MYO18B: variants seen among roughly 807,000 people sequenced by gnomAD.
MYO18B encodes the protein unconventional myosin-XVIIIb.
A neutral mutation model predicts 273.0 loss-of-function variants in MYO18B; 204 were observed. The observed-to-expected ratio is 0.75, with a 90% confidence interval of 0.67 to 0.84. The LOEUF (loss-of-function observed/expected upper bound fraction) is 0.84. Among genes scored for constraint, MYO18B ranks in the 40% least tolerant of loss-of-function variants. MYO18B has a pLI of 0.00. For missense variants in MYO18B, 3,212 were observed against 3,287.6 expected (o/e 0.98, Z 0.56); for synonymous variants, 1,330 against 1,305.7 (o/e 1.02, Z -0.40).
At chr22:25,966,540 A>G (rs1489361136) in intron 39 of MYO18B, among the ~76,000 whole-genome samples, 1 of 152,214 alleles carries the variant, frequency 6.6e-6, no homozygotes, top group Non-Finnish European at 1.5e-5. Flanking sequence ...CTCTCCTGAC[A>G]GGGAGATAGC....
chr22:25,758,490 A>G (rs1261727514), intron 1 of MYO18B, among the ~76,000 whole-genome samples: 1 of 151,890 alleles, frequency 6.6e-6, no homozygotes, highest in Non-Finnish European at 1.5e-5. Context: ...AAGCAAAAAC[A>G]TGTCTATCCA....
intron 11 of MYO18B, among the ~76,000 whole-genome samples, chr22:25,787,226 GAAAA>G (rs1319960460): frequency 6.8e-6 from 1 of 148,106 alleles, no homozygotes; most frequent in Non-Finnish European, 1.5e-5. Flanking sequence ...GAAAAAAAAA[GAAAA>G]AAGAAAAAAA....
chr22:25,826,811 G>C (rs2089509101), intron 14 of MYO18B, among the ~76,000 whole-genome samples: 1 of 152,180 alleles, frequency 6.6e-6, no homozygotes, highest in Non-Finnish European at 1.5e-5. Context: ...TGTAATCCCA[G>C]TACTTTGGGA....
intron 37 of MYO18B, among the ~76,000 whole-genome samples, chr22:25,951,819 C>T (rs529413769): frequency 1.3e-5 from 2 of 152,292 alleles, no homozygotes; most frequent in Admixed American, 6.5e-5. Context: ...TCACTAATCT[C>T]CTCTAATCCT....
chr22:26,014,903 G>T (rs6004894), intron 42 of MYO18B, among the ~76,000 whole-genome samples: 5,473 of 149,412 alleles, frequency 0.037, 138 homozygotes, highest in African/African-American at 0.062. Flanking sequence ...TTTTTAATGG[G>T]TTTTTTTTTT....
intron 17 of MYO18B, among the ~76,000 whole-genome samples, chr22:25,840,534 A>G (rs1456283728): frequency 6.6e-6 from 1 of 152,274 alleles, no homozygotes; most frequent in Non-Finnish European, 1.5e-5. Context: ...GGCCAGCTGC[A>G]TGGTGACAGG....
intron 19 of MYO18B, 119 bp downstream of exon 19, chr22:25,846,402 G>A (rs116320196): frequency 9.0e-7 from 1 of 1,106,114 alleles, no homozygotes; most frequent in South Asian, 1.5e-5. Flanking sequence ...AGAGGGGCGA[G>A]TGTCACCCCA....
chr22:25,808,808 G>A (rs1374581810), intron 12 of MYO18B, among the ~76,000 whole-genome samples: 1 of 152,136 alleles, frequency 6.6e-6, no homozygotes, highest in South Asian at 2.1e-4. Context: ...CTGCCTCCTA[G>A]GGTTCTTGTG....
intron 39 of MYO18B, among the ~76,000 whole-genome samples, chr22:25,979,682 C>T (rs1381848279): frequency 3.3e-5 from 5 of 152,122 alleles, no homozygotes; most frequent in Non-Finnish European, 5.9e-5. Context: ...CTCTGAATAG[C>T]AAGAGCTTTA....
intron 42 of MYO18B, among the ~76,000 whole-genome samples, 184 bp from the exon 43 acceptor site, chr22:26,026,261 C>A (rs1053224484): frequency 3.9e-5 from 6 of 152,166 alleles, no homozygotes; most frequent in African/African-American, 1.4e-4. Context: ...CGGAAAGCAA[C>A]AAGAAATCAT....
At position 26,027,589 on chromosome 22, in the gene MYO18B, G is replaced by A. The variant is rs978117915; in HGVS notation, c.7615G>A (p.Glu2539Lys). Residue 2539 changes from glutamate to lysine, a missense_variant, in exon 43 of 44, where the codon GAG (glutamate) becomes AAG (lysine). Physicochemically the swap from Glu to Lys is moderately conservative, Grantham distance 56. Coordinates refer to ENST00000335473, the MANE Select transcript of MYO18B (RefSeq NM_032608.7). The surrounding 1 kb of genome is among the most constrained non-coding windows in gnomAD (Gnocchi z 4.1). ...GIPRLAGDGG[E>K]RTSPERREPG... ...CCCACGACTTGCGGGTGACGGTGGC[G>A]AGCGAACGTCCCCCGAGCGGAGAGA... is the stretch of plus-strand genomic sequence containing the variant. 5 of 1,613,958 alleles carry A rather than the reference G, an allele frequency of 3.1e-6. No homozygotes were observed. The highest frequency in any genetic ancestry group is 1.7e-5 in the Admixed American group (1 of 60,028).
chr22:25,903,927 C>T (rs2091988473), intron 31 of MYO18B, 96 bp downstream of exon 31: 2 of 1,319,228 alleles, frequency 1.5e-6, no homozygotes, highest in Non-Finnish European at 2.1e-6. Flanking sequence ...CTTGGCTGCT[C>T]CTCATCCTTC....
intron 21 of MYO18B, among the ~76,000 whole-genome samples, chr22:25,854,463 G>C (rs2090511341): frequency 1.3e-5 from 2 of 151,996 alleles, no homozygotes; most frequent in Non-Finnish European, 2.9e-5. Context: ...TTGAACTCAG[G>C]CTCTCAGATT....
In MYO18B at chr22:25,826,565, G is replaced by A. The variant is rs115115287; in HGVS notation, c.2786+66G>A. 4.5e-4 allele frequency: 646 copies of A among 1,433,182 alleles called. 6 individuals carry two copies. The African/African-American group carries it at 8.0e-3, about 18-fold the overall frequency. 88.8% of individuals were successfully genotyped at this position (1,433,182 alleles called of 1,614,324 possible). On this transcript the variant is annotated intron_variant, in intron 14 of 43. Transcript: ENST00000335473. ...AGGTGCACAGATGAATTCACATACC[G>A]GGCAGTTGAACAAAGTGGCAGTTTT...
At position 25,877,987 on chromosome 22, in the gene MYO18B, T is replaced by C; in HGVS notation, c.4253T>C (p.Leu1418Pro). The C allele has an allele frequency of 6.3e-7, 1 of 1,582,050 alleles. No homozygotes were observed. Among genetic ancestry groups the C allele is most frequent in the Non-Finnish European group, 8.6e-7 (1 of 1,163,596 alleles). ...GAGCTTACAACGCTAAGACGGAAGC[T>C]AGAAAAATCAGAGAAGTTGCGGAAT... is the stretch of plus-strand genomic sequence containing the variant. ...EEELTTLRRK[L>P]EKSEKLRNEL... The change falls in exon 25 of 44, where the codon CTA becomes CCA. Residue 1418 changes from leucine to proline, a missense_variant. Coordinates refer to ENST00000335473, the MANE Select transcript of MYO18B (RefSeq NM_032608.7).
chr22:25,898,704 C>G (rs2091866998), intron 29 of MYO18B: 1 of 457,596 alleles, frequency 2.2e-6, no homozygotes, highest in Admixed American at 4.0e-5. Context: ...CCTTGGGGAA[C>G]TTTCTTTGCC....
chr22:25,926,200 G>A lies in MYO18B; in HGVS notation c.5517+4791G>A, dbSNP rs118160014. ...AGCCTGGACGATGGAGCAAGACTGC[G>A]TCTCAAAAAGAAAAGAAAAAAAAAG... On this transcript the variant is annotated intron_variant, in intron 34 of 43. Coordinates refer to ENST00000335473, the MANE Select transcript of MYO18B (RefSeq NM_032608.7). Among the ~76,000 whole-genome samples, 1,374 of 151,754 alleles carry A rather than the reference G, an allele frequency of 9.1e-3. 12 individuals carry two copies. Among genetic ancestry groups the A allele is most frequent in the East Asian group, 0.032 (164 of 5,150 alleles).
chr22:25,973,562 A>G (rs180852046), intron 39 of MYO18B, among the ~76,000 whole-genome samples: 1 of 152,350 alleles, frequency 6.6e-6, no homozygotes, highest in African/African-American at 2.4e-5. Context: ...GTTGTCAAAC[A>G]TGGTAGCCAC....
intron 13 of MYO18B, among the ~76,000 whole-genome samples, chr22:25,825,032 A>G (rs2089440242): frequency 6.6e-6 from 1 of 152,188 alleles, no homozygotes. Flanking sequence ...TATATAACAC[A>G]TGCACATACC....
Sources: allele counts gnomAD v4.1 joint callset (sites outside exome capture counted in the v4.1 genomes callset), GRCh38; gene constraint gnomAD v4.1.1; non-coding constraint Gnocchi (gnomAD v3.1); transcripts MANE v1.5; gene names NCBI Gene and HGNC (gene_info 2026-07-23, HGNC 2026-07-21).